The following GTF2IRD2 variants were observed in gnomAD, a reference collection of about 807,000 sequenced individuals.
The protein encoded by GTF2IRD2 is general transcription factor II-I repeat domain-containing protein 2A.
GTF2IRD2 carries 8 observed loss-of-function variants against 49.2 expected under a neutral mutation model. The observed-to-expected ratio is 0.16, with a 90% confidence interval of 0.10 to 0.29. The LOEUF is 0.29. Among genes scored for constraint, GTF2IRD2 ranks in the 10% least tolerant of loss-of-function variants. The pLI is 1.00. For synonymous variants in GTF2IRD2, 47 were observed against 289.7 expected (o/e 0.16, Z 8.51); for missense variants, 130 against 725.7 (o/e 0.18, Z 9.43).
chr7:74,842,987 A>G (rs2131819259), intron 1 of GTF2IRD2, among the ~76,000 whole-genome samples: 1 of 77,774 alleles, frequency 1.3e-5, no homozygotes, highest in South Asian at 5.7e-4. Context: ...ATGCAGTGGC[A>G]CGATCTCAGC....
intron 4 of GTF2IRD2, among the ~76,000 whole-genome samples, chr7:74,823,950 T>G: frequency 2.9e-5 from 3 of 105,076 alleles, no homozygotes; most frequent in Non-Finnish European, 4.0e-5. Context: ...GATCACGAGG[T>G]CAGGAGATCG....
intron 6 of GTF2IRD2, 123 bp downstream of exon 6, chr7:74,822,304 C>G: frequency 1.6e-6 from 2 of 1,239,366 alleles, no homozygotes; most frequent in Non-Finnish European, 1.2e-6. Context: ...CCTGCCTCAG[C>G]CTCCCAAAGT....
Position 74,798,264 on chromosome 7 carries a change from C to G in GTF2IRD2, c.1248G>C (p.Val416=), listed in dbSNP as rs1797173222. 2.7e-6 allele frequency: 2 copies of G among 745,572 alleles called. No individual in the cohort carries two copies. The highest frequency in any genetic ancestry group is 5.0e-6 in the Non-Finnish European group (2 of 402,054). 46.2% of individuals were successfully genotyped at this position (745,572 alleles called of 1,614,324 possible). Residue 416 remains valine (V), a splice_region_variant and synonymous_variant, in exon 16 of 16, where the codon GTG becomes GTC. Coordinates refer to ENST00000451013, the MANE Select transcript of GTF2IRD2 (RefSeq NM_173537.5). ...RPLPGLELSN[V]GKRKIDQEGR... The stretch of plus-strand genomic sequence containing the variant: ...CCTCCTGGTCTATCTTGCGTTTTCC[C>G]ACTTTTGACAGAGACAGGGAGACAA...
chr7:74,844,359 T>A lies in GTF2IRD2; in HGVS notation c.-6+7008A>T, dbSNP rs1234978187. Among the ~76,000 whole-genome samples the A allele has an allele frequency of 2.3e-4, 3 of 12,788 alleles. 1 individual carries two copies. The highest frequency in any genetic ancestry group is 4.3e-4 in the Non-Finnish European group (3 of 7,038). 8.4% of individuals were successfully genotyped at this position (12,788 alleles called of 152,430 possible). A position where few individuals can be genotyped will look rare whatever the true frequency, so the allele number is the denominator to read the frequency against. ...ACTAGACTAGATGAGGATTATGTTTTTTTTATTTATTTATTTATTTATTTA... is the reference window on the plus strand; with the variant it reads ...ACTAGACTAGATGAGGATTATGTTTATTTTATTTATTTATTTATTTATTTA... On this transcript the variant is annotated intron_variant, in intron 1 of 15. Transcript: ENST00000451013.
At chr7:74,831,305 C>CATAT (rs587669806) in intron 3 of GTF2IRD2, among the ~76,000 whole-genome samples, 2 of 148,816 alleles carry the variant, frequency 1.3e-5, no homozygotes, top group African/African-American at 5.0e-5. Context: ...TATCTACATA[C>CATAT]ATATATATAT....
At chr7:74,841,804 G>C (rs1250466286) in intron 1 of GTF2IRD2, among the ~76,000 whole-genome samples, 2 of 142,672 alleles carry the variant, frequency 1.4e-5, no homozygotes, top group Non-Finnish European at 3.0e-5. Flanking sequence ...AAGGGTAAAA[G>C]GTTTCAGAGT....
rs1217795620 is a variant in GTF2IRD2 at position 74,796,250 on chromosome 7, GAA to G, written c.*410_*411del. The G allele has an allele frequency of 8.2e-6, 2 of 244,990 alleles. No individual in the cohort carries two copies. Among genetic ancestry groups the G allele is most frequent in the African/African-American group, 2.4e-5 (1 of 41,950 alleles). The allele number at this position is 244,990 out of a possible 1,614,324, so 15.2% of individuals were successfully genotyped here. ...TCTGATTCAAAGTGGAAAAAAAACT[GAA>G]AAAAAAAAAAGTTTAAGAACTCATT... On this transcript the variant is annotated 3_prime_UTR_variant, in exon 16 of 16. Coordinates refer to ENST00000451013, the MANE Select transcript of GTF2IRD2 (RefSeq NM_173537.5).
At chr7:74,845,944 CTTTTA>C (rs1424035154) in intron 1 of GTF2IRD2, among the ~76,000 whole-genome samples, 2 of 137,402 alleles carry the variant, frequency 1.5e-5, no homozygotes, top group Admixed American at 7.6e-5. Flanking sequence ...ACTTTTTACT[CTTTTA>C]TTTTGAGATG....
rs1584394489 is a variant in GTF2IRD2, at chr7:74,822,770, G to A, written c.396C>T (p.Pro132=). ...ACTGGTCTCGCAGCATCTTCTCATA[G>A]GGAACAGGCACCATCACTGTTGTCC... The part of the protein sequence containing the change: ...ALGTTVMVPV[P]YEKMLRDQSA... Residue 132 remains proline, a synonymous_variant, in exon 5 of 16, where the codon CCC becomes CCT. Coordinates refer to ENST00000451013, the MANE Select transcript of GTF2IRD2 (RefSeq NM_173537.5). 2.2e-5 allele frequency: 34 copies of A among 1,539,854 alleles called. 3 individuals are homozygous for A. Among genetic ancestry groups the A allele is most frequent in the Middle Eastern group, 4.9e-4 (2 of 4,092 alleles).
chr7:74,829,871 G>C (rs1259068143), intron 3 of GTF2IRD2, among the ~76,000 whole-genome samples: 2 of 145,376 alleles, frequency 1.4e-5, no homozygotes, highest in Admixed American at 1.4e-4. Context: ...CTGGGCGATA[G>C]AGCGAGATTC....
At chr7:74,830,007 C>G (rs1799707446) in intron 3 of GTF2IRD2, among the ~76,000 whole-genome samples, 1 of 150,114 alleles carries the variant, frequency 6.7e-6, no homozygotes, top group Admixed American at 6.7e-5. Flanking sequence ...ATAAAGTAAT[C>G]AAAACAGCAT....
intron 1 of GTF2IRD2, among the ~76,000 whole-genome samples, chr7:74,836,719 T>A (rs1465709535): frequency 7.9e-3 from 1,196 of 152,126 alleles, no homozygotes; most frequent in African/African-American, 0.028. Context: ...GTGAGCGCCA[T>A]CACGCCTGGC....
intron 2 of GTF2IRD2, among the ~76,000 whole-genome samples, chr7:74,834,757 A>T (rs1800152542): frequency 9.0e-6 from 1 of 110,636 alleles, no homozygotes; most frequent in African/African-American, 5.7e-5. Context: ...GCTGGAGTGC[A>T]GTGTCATGAT....
chr7:74,825,941 C>G (rs1554419572), intron 3 of GTF2IRD2, among the ~76,000 whole-genome samples: 1 of 151,860 alleles, frequency 6.6e-6, no homozygotes, highest in African/African-American at 2.4e-5. Context: ...GCTGGGACTA[C>G]AGCTGCCTGC....
At chr7:74,824,202 C>T (rs1230946639) in intron 4 of GTF2IRD2, among the ~76,000 whole-genome samples, 2 of 129,696 alleles carry the variant, frequency 1.5e-5, no homozygotes. Context: ...GGCACGGCGG[C>T]TCACACCTGT....
rs1373509900 is a variant in GTF2IRD2 at position 74,851,390 on chromosome 7, G to C, written c.-29C>G. The stretch of plus-strand genomic sequence containing the variant: ...ACCTGAGGGCGCTGGGCCGCGCCGG[G>C]CCGGCCGCGGAGTCCGAGGCCTGGG... On this transcript the variant is annotated 5_prime_UTR_variant, in exon 1 of 16. Transcript: ENST00000451013. The C allele has an allele frequency of 2.3e-4, 11 of 47,272 alleles. 5 individuals are homozygous for C. In the East Asian group the frequency reaches 0.036, roughly 153 times the overall value. The allele number at this position is 47,272 out of a possible 1,614,324, so 2.9% of individuals were successfully genotyped here. A position where few individuals can be genotyped will look rare whatever the true frequency, so the allele number is the denominator to read the frequency against.
intron 6 of GTF2IRD2, 79 bp downstream of exon 6, chr7:74,822,348 C>T: frequency 4.5e-6 from 3 of 666,120 alleles, no homozygotes; most frequent in Non-Finnish European, 8.2e-6. Context: ...TCACGCCCGG[C>T]CCCCAATTCA....
chr7:74,797,667 G>C lies in GTF2IRD2; in HGVS notation c.1845C>G (p.Ser615Arg), dbSNP rs781909153. 442 of 1,606,584 alleles carry C rather than the reference G, an allele frequency of 2.8e-4. 3 individuals are homozygous for C. The highest frequency in any genetic ancestry group is 3.7e-4 in the Non-Finnish European group (436 of 1,177,144). Residue 615 changes from serine to arginine, a missense_variant, in exon 16 of 16, where the codon AGC (serine) becomes AGG (arginine). Physicochemically the swap from Ser to Arg is moderately radical, Grantham distance 110. Coordinates refer to ENST00000451013, the MANE Select transcript of GTF2IRD2 (RefSeq NM_173537.5). ...NFCIDWSKLVSVASTGTPAMV... is the reference protein window; with the variant it reads ...NFCIDWSKLVRVASTGTPAMV... ...TCGCTGGGGTGCCAGTGGAGGCCAC[G>C]CTTACTAATTTCGACCAGTCGATAC...
intron 8 of GTF2IRD2, chr7:74,819,131 G>T: frequency 4.1e-6 from 1 of 242,064 alleles, no homozygotes; most frequent in Non-Finnish European, 8.2e-6. Flanking sequence ...TACTATGTTG[G>T]CCAGGATGGT....
Sources: allele counts gnomAD v4.1 joint callset (sites outside exome capture counted in the v4.1 genomes callset), GRCh38; gene constraint gnomAD v4.1.1; transcripts MANE v1.5; gene names NCBI Gene and HGNC (gene_info 2026-07-23, HGNC 2026-07-21).